The following PAFAH1B2 variants were observed in gnomAD, a reference collection of about 807,000 sequenced individuals.
PAFAH1B2 encodes platelet-activating factor acetylhydrolase IB subunit alpha2.
In PAFAH1B2, 8 loss-of-function variants were observed where a neutral mutation model predicts 28.0. The ratio of observed to expected loss-of-function variants is 0.29; its 90% CI spans 0.17 to 0.52. The LOEUF is 0.52. Among genes scored for constraint, PAFAH1B2 ranks in the 20% least tolerant of loss-of-function variants. The pLI, the probability that PAFAH1B2 is intolerant of heterozygous loss-of-function variation, is 0.97. For synonymous variants in PAFAH1B2, 104 were observed against 103.2 expected (o/e 1.01, Z -0.05); for missense variants, 190 against 282.6 (o/e 0.67, Z 2.35).
intron 4 of PAFAH1B2, among the ~76,000 whole-genome samples, chr11:117,163,291 C>T (rs986670769): frequency 2.0e-5 from 3 of 151,926 alleles, no homozygotes; most frequent in African/African-American, 7.3e-5. Context: ...CCCTCTATCT[C>T]TTAAAAGAAA....
downstream of PAFAH1B2, chr11:117,175,150 C>G (rs1048632341): frequency 2.5e-6 from 3 of 1,180,972 alleles, no homozygotes; most frequent in African/African-American, 4.7e-5. Flanking sequence ...CCACCCTGAC[C>G]GCTTGAGGGC....
chr11:117,172,352 A>T (rs184918081), downstream of PAFAH1B2, among the ~76,000 whole-genome samples: 418 of 2,586 alleles, frequency 0.16, 5 homozygotes, highest in African/African-American at 0.32. Context: ...CTAGCTTTAT[A>T]TATATATATA....
chr11:117,150,489 C>T (rs1391943144), intron 1 of PAFAH1B2, among the ~76,000 whole-genome samples: 2 of 151,156 alleles, frequency 1.3e-5, no homozygotes, highest in Non-Finnish European at 2.9e-5. Context: ...TGATGATATT[C>T]TAGTATCATT....
intron 1 of PAFAH1B2, among the ~76,000 whole-genome samples, chr11:117,149,519 C>A (rs1468076853): frequency 7.5e-6 from 1 of 133,132 alleles, no homozygotes; most frequent in Non-Finnish European, 1.6e-5. Flanking sequence ...CTCGGCCTCC[C>A]AGGTTCACGC....
chr11:117,153,546 ACG>A (rs1956200593), intron 2 of PAFAH1B2, among the ~76,000 whole-genome samples: 1 of 152,052 alleles, frequency 6.6e-6, no homozygotes, highest in Non-Finnish European at 1.5e-5. Context: ...GCCCGCCACC[ACG>A]CTCAGCTAAT....
At chr11:117,162,010 A>C (rs1409123792) in intron 4 of PAFAH1B2, among the ~76,000 whole-genome samples, 1 of 152,174 alleles carries the variant, frequency 6.6e-6, no homozygotes, top group Non-Finnish European at 1.5e-5. Context: ...TTAGAAGCAG[A>C]TGTGAACAAA....
chr11:117,160,076 AT>A, intron 3 of PAFAH1B2, 53 bp downstream of exon 3: 1 of 1,177,472 alleles, frequency 8.5e-7, no homozygotes. Flanking sequence ...ATATCCATTC[AT>A]TACTAACAGA....
At chr11:117,152,363 G>A in intron 1 of PAFAH1B2, 78 bp from the exon 2 acceptor site, 1 of 810,170 alleles carries the variant, frequency 1.2e-6, no homozygotes, top group Non-Finnish European at 2.1e-6. Flanking sequence ...ATTATTTAAA[G>A]CCTGATGTGT....
chr11:117,149,303 A>G (rs1266906011), intron 1 of PAFAH1B2, among the ~76,000 whole-genome samples: 3 of 151,624 alleles, frequency 2.0e-5, no homozygotes, highest in Non-Finnish European at 4.4e-5. Context: ...GGATAGTCTC[A>G]AACTCCTGGA....
At chr11:117,178,099 A>C (rs2030085323), downstream of PAFAH1B2, among the ~76,000 whole-genome samples, 1 of 152,224 alleles carries the variant, frequency 6.6e-6, no homozygotes, top group African/African-American at 2.4e-5. Flanking sequence ...AAGCTCTCTA[A>C]GTTTCTTGAA....
chr11:117,158,069 T>G (rs1481002799), intron 2 of PAFAH1B2, among the ~76,000 whole-genome samples: 1 of 151,960 alleles, frequency 6.6e-6, no homozygotes, highest in Non-Finnish European at 1.5e-5. Flanking sequence ...ACCCGGGAGG[T>G]GGAGGTTGCA....
At chr11:117,173,868 G>C (rs575775291), downstream of PAFAH1B2, among the ~76,000 whole-genome samples, 1 of 152,342 alleles carries the variant, frequency 6.6e-6, no homozygotes, top group South Asian at 2.1e-4. Context: ...TGCTGGAGCT[G>C]CTTATGTCTG....
chr11:117,144,793 GC>G (rs1955956578), intron 1 of PAFAH1B2, among the ~76,000 whole-genome samples: 1 of 150,430 alleles, frequency 6.6e-6, no homozygotes, highest in South Asian at 2.1e-4. Flanking sequence ...GGTAGGCCTT[GC>G]GCACCCCAGC....
At chr11:117,171,133 T>C (rs932215903), downstream of PAFAH1B2, 21 of 880,092 alleles carry the variant, frequency 2.4e-5, 1 homozygote, top group Non-Finnish European at 2.9e-5. Flanking sequence ...CATAAGGAAA[T>C]TGGATACTTA....
intron 1 of PAFAH1B2, among the ~76,000 whole-genome samples, chr11:117,151,209 TC>T (rs1956142457): frequency 2.0e-5 from 3 of 148,654 alleles, no homozygotes; most frequent in African/African-American, 7.4e-5. Context: ...TTTGGACTCA[TC>T]ATTACTAAAA....
Position 117,171,019 on chromosome 11 carries a change from C to T in PAFAH1B2, c.*3320C>T, listed in dbSNP as rs771353528. The T allele has an allele frequency of 2.2e-4, 230 of 1,036,656 alleles. No individual in the cohort carries two copies. Among genetic ancestry groups the T allele is most frequent in the Non-Finnish European group, 2.6e-4 (220 of 861,108 alleles). The allele number at this position is 1,036,656 out of a possible 1,614,324, so 64.2% of individuals were successfully genotyped here. A position where few individuals can be genotyped will look rare whatever the true frequency, so the allele number is the denominator to read the frequency against. ...ACTCATTCTGTTTTAGTGTATATTT[C>T]AATATAAATGTAAACATTTTGCTCA... On this transcript the variant is annotated 3_prime_UTR_variant, in exon 6 of 6. Coordinates refer to ENST00000527958, the MANE Select transcript of PAFAH1B2 (RefSeq NM_002572.4).
downstream of PAFAH1B2, chr11:117,175,957 GACTGAGGAAATCCTAC>G: frequency 2.0e-6 from 3 of 1,529,698 alleles, no homozygotes; most frequent in Non-Finnish European, 2.6e-6. Flanking sequence ...AGTCCAGATG[GACTGAGGAAATCCTAC>G]ACTGATTCTC....
At chr11:117,157,647 C>G (rs1209826749) in intron 2 of PAFAH1B2, among the ~76,000 whole-genome samples, 1 of 152,068 alleles carries the variant, frequency 6.6e-6, no homozygotes, top group Non-Finnish European at 1.5e-5. Context: ...CATTGGAAAC[C>G]TAGGCATGAT....
At position 117,169,300 on chromosome 11, in the gene PAFAH1B2, A is replaced by C. The variant is rs1591755897; in HGVS notation, c.*1601A>C. 9.6e-7 allele frequency: 1 copy of C among 1,040,788 alleles called. No individual in the cohort carries two copies. Among genetic ancestry groups the C allele is most frequent in the East Asian group, 5.7e-5 (1 of 17,554 alleles). 64.5% of individuals were successfully genotyped at this position (1,040,788 alleles called of 1,614,324 possible). Reference sequence around the variant, plus strand: ...TCGAGCTATATAAGAACTGCCATTAAAAAAAATGGGATAATAGATGATTTT... The same window carrying C: ...TCGAGCTATATAAGAACTGCCATTACAAAAAATGGGATAATAGATGATTTT... On this transcript the variant is annotated 3_prime_UTR_variant, in exon 6 of 6. Coordinates refer to ENST00000527958, the MANE Select transcript of PAFAH1B2 (RefSeq NM_002572.4).
Sources: gnomAD v4.1 joint callset for allele counts (sites outside exome capture counted in the v4.1 genomes callset) on GRCh38, gnomAD v4.1.1 for gene constraint, MANE v1.5 for transcripts, NCBI Gene and HGNC (gene_info 2026-07-23, HGNC 2026-07-21) for gene names.